Variants in OSBPL10 observed in about 807,000 individuals in gnomAD.
OSBPL10 encodes the protein oxysterol binding protein like 10.
OSBPL10 carries 49 observed loss-of-function variants against 81.7 expected under a neutral mutation model. That is an observed-to-expected ratio of 0.60 (90% CI 0.48 to 0.76). OSBPL10 has a LOEUF of 0.76. OSBPL10 is among the 30% of genes least tolerant of loss of function. OSBPL10 has a pLI of 0.00. For synonymous variants in OSBPL10, 419 were observed against 383.6 expected (o/e 1.09, Z -1.08); for missense variants, 923 against 987.8 (o/e 0.93, Z 0.88).
intron 1 of OSBPL10, among the ~76,000 whole-genome samples, chr3:31,949,816 T>C (rs1294057327): frequency 1.3e-5 from 2 of 152,068 alleles, no homozygotes; most frequent in Non-Finnish European, 2.9e-5. Flanking sequence ...ATCTCTTTAG[T>C]TAACTAGAAA....
Position 31,879,692 on chromosome 3 carries a change from C to A in OSBPL10, c.420G>T (p.Val140=). 6.2e-7 allele frequency: 1 copy of A among 1,614,144 alleles called. No individual in the cohort carries two copies. Among genetic ancestry groups the A allele is most frequent in the Non-Finnish European group, 8.5e-7 (1 of 1,180,022 alleles). Residue 140 remains valine (V), a synonymous_variant, in exon 2 of 12, where the codon GTG becomes GTT. Coordinates refer to ENST00000396556, the MANE Select transcript of OSBPL10 (RefSeq NM_017784.5). ...ACATCTCTCCATTAGCAGAGTACAC[C>A]ACCAGCATGTGGGGAGCTTCATCGC... ...SLSDEAPHML[V]VYSANGEMFK... is the part of the protein sequence containing the mutation.
At chr3:31,910,550 C>T (rs1293753744) in intron 1 of OSBPL10, among the ~76,000 whole-genome samples, 2 of 151,826 alleles carry the variant, frequency 1.3e-5, no homozygotes, top group African/African-American at 2.4e-5. Flanking sequence ...GTGGAAGAAT[C>T]GCTTGAACCT....
chr3:31,663,087 A>G lies in OSBPL10; in HGVS notation c.2251-971T>C, dbSNP rs1700106669. 3.0e-6 allele frequency: 3 copies of G among 985,438 alleles called. 1 individual carries two copies. The highest frequency in any genetic ancestry group is 3.6e-6 in the Non-Finnish European group (3 of 829,962). 61.0% of individuals were successfully genotyped at this position (985,438 alleles called of 1,614,324 possible). On this transcript the variant is annotated intron_variant, in intron 11 of 11. Coordinates refer to ENST00000396556, the MANE Select transcript of OSBPL10 (RefSeq NM_017784.5). ...CATGAATCCACCCCAGTTACCTACT[A>G]TGTTGCCCTAACTCACTTCTCAGCC...
intron 6 of OSBPL10, among the ~76,000 whole-genome samples, chr3:31,712,509 A>G (rs1173049012): frequency 6.6e-6 from 1 of 152,228 alleles, no homozygotes; most frequent in Admixed American, 6.5e-5. Context: ...GGACAGGAAG[A>G]GGAATATAGA....
At chr3:31,830,270 C>G in intron 3 of OSBPL10, 39 bp from the exon 4 acceptor site, 1 of 1,569,284 alleles carries the variant, frequency 6.4e-7, no homozygotes, top group Non-Finnish European at 8.7e-7. Context: ...AACAACTGAC[C>G]TGCAGAACAC....
At chr3:31,789,217 T>C (rs1184032594) in intron 4 of OSBPL10, among the ~76,000 whole-genome samples, 1 of 152,166 alleles carries the variant, frequency 6.6e-6, no homozygotes, top group Non-Finnish European at 1.5e-5. Flanking sequence ...AGCCACCATG[T>C]CCGGCTAGGA....
intron 1 of OSBPL10, among the ~76,000 whole-genome samples, chr3:32,063,036 T>A (rs1318442907): frequency 1.1e-5 from 1 of 93,490 alleles, no homozygotes; most frequent in Non-Finnish European, 2.9e-5. Flanking sequence ...TATTTATGTA[T>A]TCCCTGGTCT....
intron 8 of OSBPL10, 48 bp downstream of exon 8, chr3:31,683,586 G>A: frequency 6.3e-7 from 1 of 1,575,854 alleles, no homozygotes; most frequent in Non-Finnish European, 8.6e-7. Context: ...ACCAGGTATA[G>A]AAACGTCACT....
chr3:31,921,935 A>G (rs908863100), intron 1 of OSBPL10, among the ~76,000 whole-genome samples: 4 of 152,242 alleles, frequency 2.6e-5, no homozygotes, highest in African/African-American at 9.6e-5. Flanking sequence ...CTTCCTCTGA[A>G]AACACATAAC....
At chr3:31,801,511 G>A (rs998223844) in intron 4 of OSBPL10, among the ~76,000 whole-genome samples, 2 of 152,228 alleles carry the variant, frequency 1.3e-5, no homozygotes, top group African/African-American at 4.8e-5. Flanking sequence ...GAGTGTGGGT[G>A]AAACAGAGGC....
intron 1 of OSBPL10, among the ~76,000 whole-genome samples, chr3:31,920,863 C>A (rs1227593331): frequency 6.6e-6 from 1 of 152,132 alleles, no homozygotes; most frequent in East Asian, 1.9e-4. Flanking sequence ...TCCACTAGCT[C>A]CCCCTTCACC....
chr3:32,016,686 C>G (rs1393788012), intron 2 of OSBPL10, among the ~76,000 whole-genome samples: 6 of 152,148 alleles, frequency 3.9e-5, no homozygotes, highest in African/African-American at 1.4e-4. Context: ...AATAGGTTGT[C>G]AAAAAGCTAG....
At chr3:31,775,724 G>C (rs1160120749) in intron 4 of OSBPL10, among the ~76,000 whole-genome samples, 1 of 152,164 alleles carries the variant, frequency 6.6e-6, no homozygotes, top group Non-Finnish European at 1.5e-5. Flanking sequence ...CTCAAAGGTA[G>C]ATGCCTGTAG....
intron 6 of OSBPL10, among the ~76,000 whole-genome samples, chr3:31,715,791 T>C (rs1696412670): frequency 6.6e-6 from 1 of 152,198 alleles, no homozygotes; most frequent in Admixed American, 6.5e-5. Flanking sequence ...TTGAAATCAT[T>C]ATTGACTTAT....
chr3:31,699,276 T>C (rs1695821126), intron 7 of OSBPL10, among the ~76,000 whole-genome samples: 1 of 152,174 alleles, frequency 6.6e-6, no homozygotes, highest in Non-Finnish European at 1.5e-5. Context: ...GTTTGTCCCC[T>C]TCACATGGCC....
At chr3:32,068,206 C>T (rs934500621) in intron 1 of OSBPL10, among the ~76,000 whole-genome samples, 56 of 152,348 alleles carry the variant, frequency 3.7e-4, no homozygotes, top group African/African-American at 1.2e-3. Context: ...AACTCCGGCG[C>T]CAGTCACGGA....
At position 32,022,970 on chromosome 3, in the gene OSBPL10, G is replaced by A. The variant is rs190430710; in HGVS notation, n.298+23521C>T. ...CATATTTGACATCTGTGTGCCAGTG[G>A]ATCTGTTTGGTGGAGGTCTGGGTTT... On this transcript the variant is annotated intron_variant and non_coding_transcript_variant, in intron 2 of 3. Coordinates refer to the OSBPL10 transcript ENST00000479173. 4.5e-3 allele frequency among the ~76,000 whole-genome samples: 688 copies of A among 152,168 alleles called. 4 individuals carry two copies. Among genetic ancestry groups the A allele is most frequent in the Middle Eastern group, 0.01 (3 of 294 alleles).
chr3:31,740,021 C>A (rs1697291360), intron 5 of OSBPL10, among the ~76,000 whole-genome samples: 1 of 151,628 alleles, frequency 6.6e-6, no homozygotes, highest in Non-Finnish European at 1.5e-5. Context: ...CTGGTCCCAG[C>A]TCCAGAATTG....
At chr3:31,903,072 A>C (rs1022769119) in intron 1 of OSBPL10, among the ~76,000 whole-genome samples, 7 of 152,208 alleles carry the variant, frequency 4.6e-5, no homozygotes, top group Non-Finnish European at 1.0e-4. Context: ...CACAGGATAA[A>C]CAAGAGGCCA....
Sources: allele counts gnomAD v4.1 joint callset (sites outside exome capture counted in the v4.1 genomes callset), GRCh38; gene constraint gnomAD v4.1.1; transcripts MANE v1.5; gene names NCBI Gene and HGNC (gene_info 2026-07-23, HGNC 2026-07-21).